Variants in FGF14 observed in about 807,000 individuals in gnomAD.
FGF14 encodes fibroblast growth factor homologous factor 4.
A neutral mutation model predicts 25.5 loss-of-function variants in FGF14; 5 were observed. The ratio of observed to expected loss-of-function variants is 0.20; its 90% CI spans 0.10 to 0.41. The LOEUF (loss-of-function observed/expected upper bound fraction) is 0.41, where lower values mean the gene tolerates loss of function less well. Among genes scored for constraint, FGF14 ranks in the 10% least tolerant of loss-of-function variants. The pLI is 1.00. For synonymous variants in FGF14, 138 were observed against 118.3 expected (o/e 1.17, Z -1.08); for missense variants, 222 against 320.1 (o/e 0.69, Z 2.34).
At chr13:102,094,670 G>A (rs2044311477) in intron 1 of FGF14, among the ~76,000 whole-genome samples, 1 of 152,126 alleles carries the variant, frequency 6.6e-6, no homozygotes, top group Non-Finnish European at 1.5e-5. Flanking sequence ...AGCCTTGAAG[G>A]GAAAAGGTAA....
chr13:102,079,571 A>G (rs1040820797), intron 1 of FGF14, among the ~76,000 whole-genome samples: 22 of 152,100 alleles, frequency 1.4e-4, no homozygotes, highest in Admixed American at 1.4e-3. Flanking sequence ...GTGAGCTACC[A>G]TATCTAGACT....
chr13:101,919,975 C>T (rs1006356989), upstream of FGF14, among the ~76,000 whole-genome samples: 2 of 152,162 alleles, frequency 1.3e-5, no homozygotes, highest in Non-Finnish European at 2.9e-5. Flanking sequence ...AACGTAGCTT[C>T]CTATTTTAAG....
At chr13:101,723,676 G>A (rs1014217294) in intron 4 of FGF14, among the ~76,000 whole-genome samples, 1 of 151,990 alleles carries the variant, frequency 6.6e-6, no homozygotes, top group Non-Finnish European at 1.5e-5. Flanking sequence ...AAACAGAATG[G>A]CAAGACAGCA....
At chr13:102,096,372 A>T (rs928097997) in intron 1 of FGF14, among the ~76,000 whole-genome samples, 1 of 152,118 alleles carries the variant, frequency 6.6e-6, no homozygotes, top group African/African-American at 2.4e-5. Context: ...CTGGTATGCC[A>T]AGGACAGTCT....
intron 1 of FGF14, among the ~76,000 whole-genome samples, chr13:101,995,243 C>T (rs1024128887): frequency 1.4e-4 from 21 of 151,866 alleles, no homozygotes; most frequent in African/African-American, 4.8e-4. Context: ...TATTTGCATG[C>T]GTATGTTTTA....
intron 1 of FGF14, among the ~76,000 whole-genome samples, chr13:101,993,750 T>C (rs1038033705): frequency 2.0e-5 from 3 of 151,638 alleles, no homozygotes; most frequent in Admixed American, 1.3e-4. Flanking sequence ...TATAGGATGC[T>C]CAATTAGAAC....
intron 3 of FGF14, among the ~76,000 whole-genome samples, chr13:101,819,383 A>G (rs2042001345): frequency 6.6e-6 from 1 of 152,208 alleles, no homozygotes; most frequent in African/African-American, 2.4e-5. Flanking sequence ...TAATCCAGAG[A>G]TCCTGTGATA....
At chr13:101,826,683 G>A (rs949819307) in intron 3 of FGF14, among the ~76,000 whole-genome samples, 2 of 151,980 alleles carry the variant, frequency 1.3e-5, no homozygotes, top group South Asian at 4.1e-4. Context: ...ATAATTTGAT[G>A]CCAGATAAAT....
At chr13:101,957,479 A>C (rs188766554) in intron 1 of FGF14, among the ~76,000 whole-genome samples, 48 of 152,324 alleles carry the variant, frequency 3.2e-4, no homozygotes, top group African/African-American at 1.2e-3. Flanking sequence ...CAGCTTTGCT[A>C]TTCAAAGTAT....
At chr13:102,323,957 A>ATGTGTGTGTGTGTGTG (rs3066051) in intron 1 of FGF14, among the ~76,000 whole-genome samples, 1 of 136,422 alleles carries the variant, frequency 7.3e-6, no homozygotes, top group Non-Finnish European at 1.6e-5. Context: ...AACGTGCAGT[A>ATGTGTGTGTGTGTGTG]TGTGTGTGTG....
intron 1 of FGF14, among the ~76,000 whole-genome samples, chr13:101,984,782 T>C (rs2038470099): frequency 6.6e-6 from 1 of 152,114 alleles, no homozygotes; most frequent in Non-Finnish European, 1.5e-5. Context: ...AGACAAGTGT[T>C]CATAAAATTT....
intron 1 of FGF14, among the ~76,000 whole-genome samples, chr13:101,988,463 C>A (rs902953772): frequency 6.6e-6 from 1 of 151,952 alleles, no homozygotes; most frequent in African/African-American, 2.4e-5. Context: ...ACCCAAATGT[C>A]CAACAACGAT....
chr13:102,350,806 C>A (rs2057255771), intron 1 of FGF14, among the ~76,000 whole-genome samples: 3 of 152,190 alleles, frequency 2.0e-5, no homozygotes, highest in African/African-American at 4.8e-5. Context: ...GCGTAAGATG[C>A]AGCCATATTC....
At chr13:101,943,756 C>T (rs904903353) in intron 1 of FGF14, among the ~76,000 whole-genome samples, 6 of 150,768 alleles carry the variant, frequency 4.0e-5, no homozygotes, top group African/African-American at 1.5e-4. Flanking sequence ...GGCGGATCAC[C>T]TGAGTTCAGG....
intron 1 of FGF14, among the ~76,000 whole-genome samples, chr13:101,969,699 A>C (rs1016859808): frequency 3.9e-5 from 6 of 152,188 alleles, no homozygotes; most frequent in Non-Finnish European, 5.9e-5. Context: ...ATTTTGGCTT[A>C]TGTTACATTT....
intron 1 of FGF14, among the ~76,000 whole-genome samples, chr13:102,136,017 T>C (rs553684194): frequency 1.3e-5 from 2 of 152,312 alleles, no homozygotes; most frequent in South Asian, 4.1e-4. Context: ...CATATCTTGA[T>C]GCATTTGCTT....
chr13:102,085,194 TTTTCTC>T (rs1462686145), intron 1 of FGF14, among the ~76,000 whole-genome samples: 1 of 146,036 alleles, frequency 6.8e-6, no homozygotes, highest in Non-Finnish European at 1.5e-5. Flanking sequence ...AAAGCTAAGT[TTTTCTC>T]TTTCTCTTTC....
rs181142003 is a variant in FGF14, at chr13:102,087,157, T to C, written c.209-211861A>G. Among the ~76,000 whole-genome samples, 81 of 152,260 alleles carry C rather than the reference T, an allele frequency of 5.3e-4. 1 individual carries two copies. Among genetic ancestry groups the C allele is most frequent in the Non-Finnish European group, 2.6e-4 (18 of 68,014 alleles). On this transcript the variant is annotated intron_variant, in intron 1 of 4. Coordinates refer to the FGF14 transcript ENST00000376131. ...TGGGAAATAGGTCACAGGACTGATA[T>C]AAGTTGATGGGACTGGGGTTAGGAA...
chr13:102,120,333 G>C (rs1442863350), intron 1 of FGF14, among the ~76,000 whole-genome samples: 2 of 152,178 alleles, frequency 1.3e-5, no homozygotes. Flanking sequence ...ATACTGATGA[G>C]AGTCCCAAAA....
Sources: allele counts gnomAD v4.1 joint callset (sites outside exome capture counted in the v4.1 genomes callset), GRCh38; gene constraint gnomAD v4.1.1; transcripts MANE v1.5; gene names NCBI Gene and HGNC (gene_info 2026-07-23, HGNC 2026-07-21).